SRPRA: variants seen among roughly 807,000 people sequenced by gnomAD.
SRPRA encodes signal recognition particle receptor subunit alpha.
A neutral mutation model predicts 61.1 loss-of-function variants in SRPRA; 30 were observed. The ratio of observed to expected loss-of-function variants is 0.49; its 90% CI spans 0.37 to 0.67. SRPRA has a LOEUF of 0.67. Ranked by LOEUF, SRPRA falls within the 30% of genes least tolerant of loss-of-function variation. SRPRA has a pLI of 0.00. For missense variants in SRPRA, 759 were observed against 828.4 expected (o/e 0.92, Z 1.03); for synonymous variants, 324 against 299.7 (o/e 1.08, Z -0.84).
the SRPRA span, among the ~76,000 whole-genome samples, chr11:126,247,763 C>T: frequency 6.6e-6 from 1 of 150,982 alleles, no homozygotes; most frequent in African/African-American, 2.4e-5. Flanking sequence ...GAGGCTGAGG[C>T]AGGGGAATTG....
In SRPRA at chr11:126,265,375, G is replaced by A. The variant is rs766074771; in HGVS notation, c.1204C>T (p.Arg402Cys). ...ATGATGTCCCGGAGCATGTCTACAC[G>A]ACGCTGTGGCTGCAGAATCTGCACC... ...SLVQILQPQR[R>C]VDMLRDIMDA... The change falls in exon 10 of 14, where the codon CGT becomes TGT. Residue 402 changes from arginine to cysteine, a missense_variant. This residue lies in a region of SRPRA where 284 missense variants were observed against 365.9 expected (regional missense o/e 0.78). Coordinates refer to ENST00000332118, the MANE Select transcript of SRPRA (RefSeq NM_003139.4). The surrounding 1 kb of genome is among the most constrained non-coding windows in gnomAD (Gnocchi z 6.3). 2.2e-5 allele frequency: 36 copies of A among 1,613,946 alleles called. No individual in the cohort carries two copies. The highest frequency in any genetic ancestry group is 6.7e-5 in the African/African-American group (5 of 74,926).
Position 126,264,151 on chromosome 11 carries a change from T to G in SRPRA, c.1788+40A>C. The G allele has an allele frequency of 6.2e-7, 1 of 1,612,474 alleles. No homozygotes were observed. The highest frequency in any genetic ancestry group is 8.5e-7 in the Non-Finnish European group (1 of 1,178,918). On this transcript the variant is annotated intron_variant, in intron 13 of 13. Transcript: ENST00000332118. This position sits in a 1 kb window ranked among gnomAD's most constrained non-coding sequence, Gnocchi z 5.0. ...GATTTCCTTGCAGCCTCAGCTCCTT[T>G]GTGCAGGACGCCCATTCCAGCCTCC...
chr11:126,241,558 A>T, the SRPRA span, among the ~76,000 whole-genome samples: 1,674 of 151,118 alleles, frequency 0.011, 33 homozygotes, highest in East Asian at 0.054. Flanking sequence ...TTATTTATTT[A>T]TTTATTTTTT....
intron 5 of SRPRA, 28 bp from the exon 6 acceptor site, chr11:126,266,657 A>T: frequency 6.2e-7 from 1 of 1,611,234 alleles, no homozygotes; most frequent in Non-Finnish European, 8.5e-7. Flanking sequence ...ACAAAGAGTT[A>T]TGGTGGAGAA....
chr11:126,268,183 C>T (rs1215946965), intron 1 of SRPRA, 97 bp from the exon 2 acceptor site: 12 of 1,017,780 alleles, frequency 1.2e-5, no homozygotes, highest in South Asian at 8.2e-5. Context: ...CCAAACATTT[C>T]CCCCAAACTC....
the SRPRA span, among the ~76,000 whole-genome samples, chr11:126,255,967 A>G: frequency 2.0e-5 from 3 of 151,934 alleles, no homozygotes; most frequent in Non-Finnish European, 4.4e-5. This position sits in a 1 kb window ranked among gnomAD's most constrained non-coding sequence, Gnocchi z 4.6. Context: ...AAAATAAAAT[A>G]AAAATAAAAA....
downstream of SRPRA, chr11:126,262,588 A>T (rs1370031882): frequency 1.2e-5 from 2 of 166,640 alleles, no homozygotes; most frequent in African/African-American, 2.4e-5. Context: ...AGTTTTCTAG[A>T]TCTTTTACAG....
chr11:126,262,327 G>A (rs1042150849), downstream of SRPRA: 13 of 590,368 alleles, frequency 2.2e-5, no homozygotes, highest in Admixed American at 1.6e-4. Flanking sequence ...ATATTCTGCC[G>A]CCTGTTCAAG....
At position 126,267,042 on chromosome 11, in the gene SRPRA, G is replaced by A; in HGVS notation, c.527-120C>T. ...GACCAAACATCTTGGAGTTCATAAG[G>A]CCTGGGGATTATAGGATGGTGACCA... On this transcript the variant is annotated intron_variant, in intron 4 of 13. Transcript: ENST00000332118. The surrounding 1 kb of genome is among the most constrained non-coding windows in gnomAD (Gnocchi z 4.2). The A allele has an allele frequency of 6.6e-7, 1 of 1,523,116 alleles. No individual in the cohort carries two copies. Among genetic ancestry groups the A allele is most frequent in the Non-Finnish European group, 8.8e-7 (1 of 1,130,228 alleles). The allele number at this position is 1,523,116 out of a possible 1,614,324, so 94.4% of individuals were successfully genotyped here.
At chr11:126,262,522 A>G, downstream of SRPRA, 1 of 227,338 alleles carries the variant, frequency 4.4e-6, no homozygotes, top group Non-Finnish European at 8.5e-6. Context: ...TTTGTACTCT[A>G]TACTTGGTTT....
downstream of SRPRA, chr11:126,261,469 C>A: frequency 6.2e-7 from 1 of 1,613,508 alleles, no homozygotes; most frequent in Non-Finnish European, 8.5e-7. Context: ...ATCTGCAGCA[C>A]ACAGTGAAAT....
At chr11:126,259,374 AAAG>A (rs1950634509), downstream of SRPRA, among the ~76,000 whole-genome samples, 8 of 152,278 alleles carry the variant, frequency 5.3e-5, no homozygotes, top group Admixed American at 4.6e-4. Flanking sequence ...GCAGTGGGAA[AAAG>A]AAAAATAATT....
chr11:126,245,489 A>G, the SRPRA span, among the ~76,000 whole-genome samples: 5 of 152,180 alleles, frequency 3.3e-5, no homozygotes, highest in Non-Finnish European at 7.3e-5. Flanking sequence ...TAAATTGGAC[A>G]TGATGAGACT....
the SRPRA span, chr11:126,250,760 T>C: frequency 1.3e-6 from 2 of 1,508,380 alleles, no homozygotes; most frequent in Middle Eastern, 1.7e-4. This position sits in a 1 kb window ranked among gnomAD's most constrained non-coding sequence, Gnocchi z 5.1. Context: ...TGGTCCCTTC[T>C]TCAGGCTAGT....
Position 126,264,636 on chromosome 11 carries a change from C to T in SRPRA, c.1526-97G>A. 1.4e-6 allele frequency: 2 copies of T among 1,395,950 alleles called. No individual in the cohort carries two copies. The highest frequency in any genetic ancestry group is 1.9e-6 in the Non-Finnish European group (2 of 1,032,356). 86.5% of individuals were successfully genotyped at this position (1,395,950 alleles called of 1,614,324 possible). On this transcript the variant is annotated intron_variant, in intron 11 of 13. Coordinates refer to ENST00000332118, the MANE Select transcript of SRPRA (RefSeq NM_003139.4). This position sits in a 1 kb window ranked among gnomAD's most constrained non-coding sequence, Gnocchi z 5.0. ...AAGTCCTAGTTTGACTACCTGTTCACTGTCTTGGGCTCTGGATTTGGTTCC... is the reference window on the plus strand; with the variant it reads ...AAGTCCTAGTTTGACTACCTGTTCATTGTCTTGGGCTCTGGATTTGGTTCC...
Position 126,264,353 on chromosome 11 carries a change from G to T in SRPRA, c.1689+23C>A, listed in dbSNP as rs1320157953. On this transcript the variant is annotated intron_variant, in intron 12 of 13. Coordinates refer to ENST00000332118, the MANE Select transcript of SRPRA (RefSeq NM_003139.4). This position sits in a 1 kb window ranked among gnomAD's most constrained non-coding sequence, Gnocchi z 5.0. ...AATTGACCAAAGCTCAAGTTGTAAAGGGAACTGGGCCCACGCTCTCACCAG... is the reference window on the plus strand; with the variant it reads ...AATTGACCAAAGCTCAAGTTGTAAATGGAACTGGGCCCACGCTCTCACCAG... The T allele has an allele frequency of 2.5e-6, 4 of 1,613,706 alleles. No individual in the cohort carries two copies. The South Asian group carries it at 4.4e-5, about 18-fold the overall frequency.
Position 126,265,878 on chromosome 11 carries a change from T to C in SRPRA, c.1052-55A>G. ...CCATGTCAGCAATGACCAATCTTTA[T>C]GGTACAGGTGAGAAACGCTAGGTGA... On this transcript the variant is annotated intron_variant, in intron 8 of 13. Transcript: ENST00000332118. The surrounding 1 kb of genome is among the most constrained non-coding windows in gnomAD (Gnocchi z 6.3). The C allele has an allele frequency of 2.5e-6, 4 of 1,612,616 alleles. No individual in the cohort carries two copies. Among genetic ancestry groups the C allele is most frequent in the Non-Finnish European group, 3.4e-6 (4 of 1,178,568 alleles).
downstream of SRPRA, among the ~76,000 whole-genome samples, chr11:126,258,716 T>A (rs1565341661): frequency 1.3e-5 from 2 of 152,238 alleles, no homozygotes; most frequent in Non-Finnish European, 2.9e-5. Flanking sequence ...TTGTTTTCAT[T>A]AACAAGACAT....
chr11:126,254,921 A>C, the SRPRA span, among the ~76,000 whole-genome samples: 23 of 152,204 alleles, frequency 1.5e-4, no homozygotes, highest in Non-Finnish European at 3.1e-4. Context: ...ATTTCTCTTA[A>C]GGTGTCAAAC....
Sources: allele counts gnomAD v4.1 joint callset (sites outside exome capture counted in the v4.1 genomes callset), GRCh38; gene constraint gnomAD v4.1.1; regional missense constraint gnomAD v4.1.1; non-coding constraint Gnocchi (gnomAD v3.1); transcripts MANE v1.5; gene names NCBI Gene and HGNC (gene_info 2026-07-23, HGNC 2026-07-21).